LARGE1: variants seen among roughly 807,000 people sequenced by gnomAD.
LARGE1 encodes LARGE xylosyl- and glucuronyltransferase 1.
Under a neutral mutation model 87.6 loss-of-function variants are expected in LARGE1, and 43 were observed. The observed-to-expected ratio is 0.49, with a 90% CI of 0.38 to 0.63. LARGE1 has a LOEUF of 0.63. LARGE1 is among the 30% of genes least tolerant of loss of function. The pLI, the probability that LARGE1 is intolerant of heterozygous loss-of-function variation, is 0.00. For missense variants in LARGE1, 802 were observed against 1,000.2 expected, an observed-to-expected ratio of 0.80 and a Z score of 2.67; for synonymous variants, 434 against 394.6, an observed-to-expected ratio of 1.10 and a Z score of -1.18.
intron 7 of LARGE1, among the ~76,000 whole-genome samples, chr22:33,387,763 CT>C (rs1354047501): frequency 1.3e-5 from 2 of 152,166 alleles, no homozygotes; most frequent in Non-Finnish European, 2.9e-5. Flanking sequence ...GTTAGCCAGT[CT>C]TTTCTTTTGC....
At chr22:33,400,034 T>G (rs979149829) in intron 7 of LARGE1, among the ~76,000 whole-genome samples, 2 of 152,236 alleles carry the variant, frequency 1.3e-5, no homozygotes, top group East Asian at 3.9e-4. Context: ...CACGCTCACT[T>G]GTCTGTAGTT....
At chr22:33,334,483 A>G (rs28645138) in intron 10 of LARGE1, among the ~76,000 whole-genome samples, 23,897 of 151,040 alleles carry the variant, frequency 0.16, 4,353 homozygotes, top group African/African-American at 0.45. Context: ...GACTTAATGG[A>G]TTACTTTGTG....
chr22:33,324,647 C>G (rs1031061362), intron 10 of LARGE1, among the ~76,000 whole-genome samples: 2 of 152,190 alleles, frequency 1.3e-5, no homozygotes, highest in African/African-American at 4.8e-5. Context: ...CCTAGACTGA[C>G]TTTTTGAGCT....
At chr22:33,592,850 G>C (rs933913320) in intron 5 of LARGE1, among the ~76,000 whole-genome samples, 2 of 26,368 alleles carry the variant, frequency 7.6e-5, no homozygotes, top group African/African-American at 3.3e-4. Context: ...TTGTGTGTGT[G>C]TATTTTTTGA....
intron 11 of LARGE1, among the ~76,000 whole-genome samples, chr22:33,311,746 C>G (rs1470562992): frequency 6.6e-6 from 1 of 152,120 alleles, no homozygotes; most frequent in African/African-American, 2.4e-5. Context: ...TGTGCACATG[C>G]CTTCGTAAGG....
intron 10 of LARGE1, among the ~76,000 whole-genome samples, chr22:33,331,252 C>T (rs1054644352): frequency 6.6e-6 from 1 of 152,102 alleles, no homozygotes; most frequent in East Asian, 1.9e-4. Context: ...GGTGACTTCT[C>T]TGAGGTCATG....
intron 9 of LARGE1, among the ~76,000 whole-genome samples, chr22:33,354,243 T>G (rs2146797769): frequency 6.6e-6 from 1 of 152,346 alleles, no homozygotes. Flanking sequence ...TGAAATTGTT[T>G]CCATCGTTAT....
chr22:33,328,773 T>TA (rs1439799177), intron 10 of LARGE1, among the ~76,000 whole-genome samples: 2 of 152,086 alleles, frequency 1.3e-5, no homozygotes, highest in Non-Finnish European at 2.9e-5. Context: ...CATACATAGC[T>TA]ACATCCATTT....
intron 6 of LARGE1, among the ~76,000 whole-genome samples, chr22:33,476,707 C>A (rs2069095178): frequency 6.9e-6 from 1 of 144,052 alleles, no homozygotes; most frequent in Non-Finnish European, 1.5e-5. Flanking sequence ...ACCCCGCCCC[C>A]CAGCCCAAAG....
the LARGE1 span, among the ~76,000 whole-genome samples, chr22:33,068,462 G>A: frequency 2.6e-5 from 4 of 151,844 alleles, no homozygotes; most frequent in Admixed American, 6.6e-5. Context: ...TGGCTAACAC[G>A]GTGAAACCCC....
chr22:33,526,062 A>T (rs907694823), intron 6 of LARGE1, among the ~76,000 whole-genome samples: 4 of 152,226 alleles, frequency 2.6e-5, no homozygotes, highest in Non-Finnish European at 5.9e-5. Flanking sequence ...AAGCATTACA[A>T]ATGTGGTATA....
chr22:33,331,410 CTTTT>C (rs35310608), intron 10 of LARGE1, among the ~76,000 whole-genome samples: 2 of 135,458 alleles, frequency 1.5e-5, no homozygotes, highest in African/African-American at 2.8e-5. Context: ...CTCTTCTTAT[CTTTT>C]TTTTTTTTTT....
chr22:33,371,294 T>C (rs1197376949), intron 9 of LARGE1, among the ~76,000 whole-genome samples: 2 of 152,188 alleles, frequency 1.3e-5, no homozygotes, highest in Non-Finnish European at 2.9e-5. Flanking sequence ...ATAAATAAGA[T>C]GGTTTTTAAA....
At chr22:33,080,199 G>A in the LARGE1 span, among the ~76,000 whole-genome samples, 3 of 152,336 alleles carry the variant, frequency 2.0e-5, no homozygotes, top group Admixed American at 6.5e-5. Flanking sequence ...CACTTATGTA[G>A]TGTCTACTAT....
intron 10 of LARGE1, among the ~76,000 whole-genome samples, chr22:33,325,634 T>C (rs369553152): frequency 1.3e-5 from 2 of 152,308 alleles, no homozygotes; most frequent in African/African-American, 4.8e-5. Flanking sequence ...ATTTGAATGC[T>C]TGTAGCCTGT....
At chr22:33,845,541 CAG>C (rs1568980610) in intron 1 of LARGE1, among the ~76,000 whole-genome samples, 1 of 151,960 alleles carries the variant, frequency 6.6e-6, no homozygotes, top group African/African-American at 2.4e-5. Context: ...CTCCTGACCT[CAG>C]ATCATCTACC....
chr22:33,726,575 C>T (rs1369468040), intron 2 of LARGE1, among the ~76,000 whole-genome samples: 1 of 152,222 alleles, frequency 6.6e-6, no homozygotes, highest in Non-Finnish European at 1.5e-5. Context: ...ATGATATACT[C>T]CTCCCCTCCT....
chr22:33,911,805 G>A (rs558836560), intron 1 of LARGE1, among the ~76,000 whole-genome samples: 101 of 151,352 alleles, frequency 6.7e-4, no homozygotes, highest in African/African-American at 2.4e-3. Context: ...ATCCTTCAGA[G>A]AATTCATTCT....
At chr22:33,488,458 A>G (rs188417175) in intron 6 of LARGE1, among the ~76,000 whole-genome samples, 144 of 152,274 alleles carry the variant, frequency 9.5e-4, no homozygotes, top group Non-Finnish European at 6.9e-4. Flanking sequence ...TGTTTTCAAT[A>G]ATTTTTCATG....
Sources: allele counts gnomAD v4.1 joint callset (sites outside exome capture counted in the v4.1 genomes callset), GRCh38; gene constraint gnomAD v4.1.1; transcripts MANE v1.5; gene names NCBI Gene and HGNC (gene_info 2026-07-23, HGNC 2026-07-21).